The following TMEM108 variants were observed in gnomAD, a reference collection of about 807,000 sequenced individuals.
TMEM108 encodes cancer/testis antigen 124.
A neutral mutation model predicts 35.1 loss-of-function variants in TMEM108; 12 were observed. That is an observed-to-expected ratio of 0.34 (90% CI 0.22 to 0.55). The LOEUF is 0.55. TMEM108 is among the 20% of genes least tolerant of loss of function. The pLI, the probability that TMEM108 is intolerant of heterozygous loss-of-function variation, is 0.89. For missense variants in TMEM108, 680 were observed against 753.3 expected (o/e 0.90, Z 1.14); for synonymous variants, 287 against 308.6 (o/e 0.93, Z 0.73).
At chr3:133,261,229 A>T (rs564766862) in intron 3 of TMEM108, among the ~76,000 whole-genome samples, 4 of 152,226 alleles carry the variant, frequency 2.6e-5, no homozygotes, top group African/African-American at 9.6e-5. Context: ...AAAAAGATAA[A>T]TTTCTACCTC....
intron 3 of TMEM108, among the ~76,000 whole-genome samples, chr3:133,284,441 C>A (rs942624356): frequency 1.3e-5 from 2 of 152,240 alleles, no homozygotes; most frequent in African/African-American, 4.8e-5. Flanking sequence ...CTCTCTCAGG[C>A]AAACTAGTTT....
intron 3 of TMEM108, among the ~76,000 whole-genome samples, chr3:133,306,826 A>G (rs1302717142): frequency 6.6e-6 from 1 of 152,130 alleles, no homozygotes; most frequent in African/African-American, 2.4e-5. Flanking sequence ...CACAGTAAAC[A>G]TACGTGTGTG....
At chr3:133,243,819 C>T (rs763774403) in intron 3 of TMEM108, among the ~76,000 whole-genome samples, 15 of 152,102 alleles carry the variant, frequency 9.9e-5, no homozygotes, top group Non-Finnish European at 1.9e-4. Flanking sequence ...CCACCGCGCC[C>T]GGCCTCATGT....
At chr3:133,348,737 A>G (rs775091241) in intron 3 of TMEM108, among the ~76,000 whole-genome samples, 2 of 152,208 alleles carry the variant, frequency 1.3e-5, no homozygotes, top group Non-Finnish European at 2.9e-5. Flanking sequence ...ACAATGAGCC[A>G]TCAGCATCCA....
chr3:133,071,529 A>C (rs1475565616), intron 2 of TMEM108, among the ~76,000 whole-genome samples: 1 of 152,190 alleles, frequency 6.6e-6, no homozygotes, highest in Non-Finnish European at 1.5e-5. Flanking sequence ...GGGCAGGAGG[A>C]TCATAGTTTA....
chr3:133,061,593 A>C (rs1317357732), intron 2 of TMEM108, among the ~76,000 whole-genome samples: 1 of 152,202 alleles, frequency 6.6e-6, no homozygotes, highest in Non-Finnish European at 1.5e-5. Context: ...AGCATCGTCT[A>C]ATTAAGTCAG....
chr3:133,313,727 T>C (rs1004853825), intron 3 of TMEM108, among the ~76,000 whole-genome samples: 2 of 152,180 alleles, frequency 1.3e-5, no homozygotes, highest in African/African-American at 2.4e-5. Flanking sequence ...CCCCACTGTG[T>C]AATTACTATC....
chr3:133,325,726 A>AT (rs1451485123), intron 3 of TMEM108, among the ~76,000 whole-genome samples: 1 of 149,504 alleles, frequency 6.7e-6, no homozygotes, highest in African/African-American at 2.4e-5. Context: ...TAATATATAT[A>AT]AAAAATAATA....
intron 2 of TMEM108, among the ~76,000 whole-genome samples, chr3:133,209,414 G>A (rs1213539743): frequency 1.3e-5 from 2 of 152,104 alleles, no homozygotes; most frequent in African/African-American, 4.8e-5. Context: ...CAAATACATA[G>A]GCAAAGCTGT....
At chr3:133,197,133 A>G (rs1411000620) in intron 2 of TMEM108, among the ~76,000 whole-genome samples, 1 of 152,238 alleles carries the variant, frequency 6.6e-6, no homozygotes, top group Non-Finnish European at 1.5e-5. Context: ...ATGATATAAC[A>G]TAGACTACTA....
At chr3:133,292,509 G>A (rs1195236349) in intron 3 of TMEM108, among the ~76,000 whole-genome samples, 1 of 152,144 alleles carries the variant, frequency 6.6e-6, no homozygotes, top group Non-Finnish European at 1.5e-5. Flanking sequence ...GTCATCATAA[G>A]AGAAATAAAC....
At chr3:133,070,544 A>G (rs1943663081) in intron 2 of TMEM108, among the ~76,000 whole-genome samples, 1 of 152,168 alleles carries the variant, frequency 6.6e-6, no homozygotes, top group Admixed American at 6.5e-5. Context: ...AACTACAGAT[A>G]TAAAGGAAAC....
chr3:133,388,553 C>A, intron 4 of TMEM108: 1 of 985,408 alleles, frequency 1.0e-6, no homozygotes, highest in Non-Finnish European at 1.2e-6. Flanking sequence ...CTCTCAAATC[C>A]CCGTTAGCCC....
intron 4 of TMEM108, chr3:133,386,722 C>T: frequency 7.4e-7 from 1 of 1,350,318 alleles, no homozygotes; most frequent in African/African-American, 1.5e-5. Context: ...CTTGTGTTTG[C>T]ATAGAGCTGC....
chr3:133,390,226 C>T lies in TMEM108; in HGVS notation c.1497C>T (p.Ala499=), dbSNP rs1268372723. 2 of 1,614,198 alleles carry T rather than the reference C, an allele frequency of 1.2e-6. No homozygotes were observed. Among genetic ancestry groups the T allele is most frequent in the Admixed American group, 3.3e-5 (2 of 60,024 alleles). The part of the protein sequence containing the change: ...VCCMKRKKKT[A]NPENNLSYWN... ...GCATGAAGAGGAAGAAGAAGACCGC[C>T]AACCCGGAGAACAACCTGAGCTACT... is the stretch of plus-strand genomic sequence containing the variant. The change falls in exon 5 of 6, where the codon GCC becomes GCT. Residue 499 remains alanine (A), a synonymous_variant. Transcript: ENST00000321871.
Position 133,396,445 on chromosome 3 carries a change from A to T in TMEM108, c.*459A>T, listed in dbSNP as rs71317405. ...AAAGGGAACTGGACCGCCTCAGGGG[A>T]AGACGGCAGACTCATGCACAGAGAA... is the stretch of plus-strand genomic sequence containing the variant. On this transcript the variant is annotated 3_prime_UTR_variant, in exon 6 of 6. Coordinates refer to ENST00000321871, the MANE Select transcript of TMEM108 (RefSeq NM_023943.4). The T allele has an allele frequency of 0.019, 2,864 of 152,478 alleles. 44 individuals carry two copies. Among genetic ancestry groups the T allele is most frequent in the Non-Finnish European group, 0.029 (1,964 of 68,256 alleles). The allele number at this position is 152,478 out of a possible 1,614,324, so 9.4% of individuals were successfully genotyped here.
At chr3:133,161,269 A>C (rs1237344188) in intron 2 of TMEM108, among the ~76,000 whole-genome samples, 1 of 152,094 alleles carries the variant, frequency 6.6e-6, no homozygotes, top group African/African-American at 2.4e-5. Flanking sequence ...TTGATCTTAC[A>C]TGGCTGGCCT....
intron 2 of TMEM108, among the ~76,000 whole-genome samples, chr3:133,127,624 C>G (rs780887005): frequency 6.6e-6 from 1 of 152,220 alleles, no homozygotes. Context: ...TCATGCCAAC[C>G]TTGACAGTCT....
chr3:133,061,297 C>T (rs1257497510), intron 2 of TMEM108, among the ~76,000 whole-genome samples: 6 of 150,860 alleles, frequency 4.0e-5, no homozygotes, highest in African/African-American at 7.3e-5. Context: ...CTGCAAGCTC[C>T]GCATCCCGGG....
Sources: allele counts gnomAD v4.1 joint callset (sites outside exome capture counted in the v4.1 genomes callset), GRCh38; gene constraint gnomAD v4.1.1; transcripts MANE v1.5; gene names NCBI Gene and HGNC (gene_info 2026-07-23, HGNC 2026-07-21).